Variants in KDM4B observed in about 807,000 individuals in gnomAD.
The protein encoded by KDM4B is lysine-specific demethylase 4B.
In KDM4B, 32 loss-of-function variants were observed where a neutral mutation model predicts 125.2. That is an observed-to-expected ratio of 0.26 (90% CI 0.19 to 0.34). The LOEUF (loss-of-function observed/expected upper bound fraction) is 0.34. Ranked by LOEUF, KDM4B falls within the 10% of genes least tolerant of loss-of-function variation. The probability of loss-of-function intolerance (pLI) is 1.00; values close to 1 mark genes in which losing one functional copy is unlikely to be tolerated. For synonymous variants in KDM4B, 721 were observed against 677.9 expected (o/e 1.06, Z -0.99); for missense variants, 1,190 against 1,577.7 (o/e 0.75, Z 4.16).
At chr19:5,088,670 C>G (rs966846614) in intron 9 of KDM4B, among the ~76,000 whole-genome samples, 13 of 144,752 alleles carry the variant, frequency 9.0e-5, no homozygotes, top group Non-Finnish European at 1.5e-4. Context: ...CCCCCTCCCC[C>G]CCCCCGCAAA....
intron 21 of KDM4B, among the ~76,000 whole-genome samples, chr19:5,148,255 CAT>C (rs1438785016): frequency 6.6e-6 from 1 of 152,206 alleles, no homozygotes; most frequent in Non-Finnish European, 1.5e-5. Context: ...TGTGGAGACT[CAT>C]AGTGAAAGCA....
intron 1 of KDM4B, among the ~76,000 whole-genome samples, chr19:4,981,402 C>T (rs1378398357): frequency 6.6e-6 from 1 of 152,162 alleles, no homozygotes; most frequent in Non-Finnish European, 1.5e-5. Flanking sequence ...GCCTTTCTTC[C>T]CCAGAGCTGC....
chr19:5,014,566 C>T (rs950665050), intron 1 of KDM4B, among the ~76,000 whole-genome samples: 9 of 152,020 alleles, frequency 5.9e-5, no homozygotes, highest in South Asian at 2.1e-4. Flanking sequence ...TGAGCCACCG[C>T]GCCTGGCCTA....
intron 1 of KDM4B, among the ~76,000 whole-genome samples, chr19:4,982,876 G>A (rs148043808): frequency 4.3e-4 from 65 of 152,304 alleles, no homozygotes; most frequent in African/African-American, 1.4e-3. Flanking sequence ...CTCTGAAAAT[G>A]CTGGGATGAC....
rs57824522 is a variant in KDM4B at position 5,057,891 on chromosome 19, G to A, written c.626+10222G>A. ...AAACTTGAAGGTGACAGTTTGTTGT[G>A]GGACATGGAGATGATGCAGGGATGC... is the stretch of plus-strand genomic sequence containing the variant. On this transcript the variant is annotated intron_variant, in intron 6 of 22. Transcript: ENST00000159111. 1.3e-3 allele frequency among the ~76,000 whole-genome samples: 192 copies of A among 152,360 alleles called. 1 individual carries two copies. The highest frequency in any genetic ancestry group is 8.1e-3 in the East Asian group (42 of 5,190).
intron 2 of KDM4B, among the ~76,000 whole-genome samples, chr19:5,019,622 G>A (rs2036023507): frequency 1.4e-5 from 2 of 146,706 alleles, no homozygotes; most frequent in East Asian, 2.1e-4. Context: ...TCGTGTGGGG[G>A]TGTTGGTGTA....
At chr19:4,986,035 A>G (rs1224042879) in intron 1 of KDM4B, among the ~76,000 whole-genome samples, 1 of 152,200 alleles carries the variant, frequency 6.6e-6, no homozygotes, top group South Asian at 2.1e-4. Flanking sequence ...GAGCTGAAAG[A>G]GATCATCTTG....
intron 1 of KDM4B, among the ~76,000 whole-genome samples, chr19:4,976,706 T>A (rs2034458755): frequency 6.6e-6 from 1 of 152,210 alleles, no homozygotes; most frequent in African/African-American, 2.4e-5. Context: ...GGAGGTGGCT[T>A]ATCCAGTGCA....
chr19:5,144,432 AGGGGGCG>A lies in KDM4B; in HGVS notation c.2901+26_2901+32del. ...ATCACGGTGAGCTGTGGGGTGGGGC[AGGGGGCG>A]GGGGGAGGCTGGGAGCACAGCGACA... On this transcript the variant is annotated intron_variant, in intron 20 of 22. Transcript: ENST00000159111. The A allele has an allele frequency of 2.4e-6, 1 of 420,132 alleles. No individual in the cohort carries two copies. Among genetic ancestry groups the A allele is most frequent in the Non-Finnish European group, 4.7e-6 (1 of 214,146 alleles). 26.0% of individuals were successfully genotyped at this position (420,132 alleles called of 1,614,324 possible). A position where few individuals can be genotyped will look rare whatever the true frequency, so the allele number is the denominator to read the frequency against.
intron 3 of KDM4B, among the ~76,000 whole-genome samples, chr19:5,034,131 C>G (rs941031275): frequency 4.6e-5 from 7 of 152,226 alleles, no homozygotes; most frequent in African/African-American, 1.7e-4. Flanking sequence ...AAGATTCTGT[C>G]TCACAAAACA....
intron 9 of KDM4B, among the ~76,000 whole-genome samples, chr19:5,102,430 C>T (rs766262700): frequency 3.3e-5 from 5 of 152,132 alleles, no homozygotes; most frequent in Non-Finnish European, 1.5e-5. Context: ...TAGGGGTCCT[C>T]CCTTGAAGGG....
chr19:5,111,796 C>T (rs765488305), intron 10 of KDM4B: 8 of 765,090 alleles, frequency 1.0e-5, no homozygotes, highest in African/African-American at 5.1e-5. Flanking sequence ...TGTGTCTCGA[C>T]GTCTCGACTC....
chr19:4,993,038 C>G (rs568834951), intron 1 of KDM4B, among the ~76,000 whole-genome samples: 1 of 152,268 alleles, frequency 6.6e-6, no homozygotes, highest in South Asian at 2.1e-4. Flanking sequence ...AGAATATGTT[C>G]TATAGATTCT....
At chr19:5,066,419 C>T (rs768679277) in intron 6 of KDM4B, among the ~76,000 whole-genome samples, 6 of 151,522 alleles carry the variant, frequency 4.0e-5, no homozygotes, top group Non-Finnish European at 8.8e-5. Flanking sequence ...CCTAGGAGGT[C>T]ACTGTGCTGC....
intron 10 of KDM4B, among the ~76,000 whole-genome samples, chr19:5,111,073 C>T (rs1004724549): frequency 2.6e-5 from 4 of 152,188 alleles, no homozygotes; most frequent in East Asian, 1.9e-4. Flanking sequence ...GCGTCTGTGC[C>T]GTTCACACCC....
rs762474185 is a variant in KDM4B at position 5,132,010 on chromosome 19, G to C, written c.1906+3G>C. 6.2e-7 allele frequency: 1 copy of C among 1,603,338 alleles called. No individual in the cohort carries two copies. The highest frequency in any genetic ancestry group is 8.5e-7 in the Non-Finnish European group (1 of 1,175,504). On this transcript the variant is annotated splice_donor_region_variant and intron_variant, in intron 13 of 22. Transcript: ENST00000159111. ...GCAGGAGGCCTCAAGTGACGAGGGT[G>C]AGTGGGGGGTCCCCAGGTCGGCTCT... is the stretch of plus-strand genomic sequence containing the variant.
At chr19:5,113,951 T>A (rs185986353) in intron 10 of KDM4B, 934 of 1,227,236 alleles carry the variant, frequency 7.6e-4, no homozygotes, top group Admixed American at 1.7e-3. Context: ...GCCTACTCCC[T>A]GCTCGCCACC....
At position 5,132,004 on chromosome 19, in the gene KDM4B, G is replaced by A. The variant is rs1001771201; in HGVS notation, c.1903G>A (p.Glu635Lys). 1.9e-6 allele frequency: 3 copies of A among 1,605,316 alleles called. No homozygotes were observed. The highest frequency in any genetic ancestry group is 2.5e-6 in the Non-Finnish European group (3 of 1,176,482). The change falls in exon 13 of 23, where the codon GAG (glutamate) becomes AAG (lysine). Residue 635 changes from glutamate to lysine, a missense_variant. Coordinates refer to ENST00000159111, the MANE Select transcript of KDM4B (RefSeq NM_015015.3). ...SVVKQEASSD[E>K]EASPFSGEED... is the part of the protein sequence containing the mutation. ...GGTGAAGCAGGAGGCCTCAAGTGAC[G>A]AGGGTGAGTGGGGGGTCCCCAGGTC...
intron 6 of KDM4B, among the ~76,000 whole-genome samples, chr19:5,066,962 G>A (rs1484936511): frequency 6.6e-6 from 1 of 152,102 alleles, no homozygotes; most frequent in African/African-American, 2.4e-5. Flanking sequence ...CCTGGGTCCC[G>A]CGTCCTGCGT....
Sources: allele counts gnomAD v4.1 joint callset (sites outside exome capture counted in the v4.1 genomes callset), GRCh38; gene constraint gnomAD v4.1.1; transcripts MANE v1.5; gene names NCBI Gene and HGNC (gene_info 2026-07-23, HGNC 2026-07-21).